The following ZMIZ1 variants were observed in gnomAD, a reference collection of about 807,000 sequenced individuals.
ZMIZ1 encodes the protein zinc finger MIZ-type containing 1, also known as zinc finger MIZ domain-containing protein 1.
Under a neutral mutation model 113.9 loss-of-function variants are expected in ZMIZ1, and 17 were observed. That is an observed-to-expected ratio of 0.15 (90% CI 0.10 to 0.22). ZMIZ1 has a LOEUF of 0.22. Among genes scored for constraint, ZMIZ1 ranks in the 10% least tolerant of loss-of-function variants. The pLI is 1.00. For missense variants in ZMIZ1, 1,059 were observed against 1,477.8 expected, an observed-to-expected ratio of 0.72 and a Z score of 4.65; for synonymous variants, 607 against 603.1, an observed-to-expected ratio of 1.01 and a Z score of -0.09.
At chr10:79,263,200 C>T (rs1851373785) in intron 7 of ZMIZ1, among the ~76,000 whole-genome samples, 1 of 152,240 alleles carries the variant, frequency 6.6e-6, no homozygotes, top group African/African-American at 2.4e-5. Context: ...CCAGAGTGGT[C>T]ACAGCTGGCG....
At chr10:79,185,127 A>G (rs980529148) in intron 4 of ZMIZ1, among the ~76,000 whole-genome samples, 13 of 152,034 alleles carry the variant, frequency 8.6e-5, no homozygotes, top group Admixed American at 7.8e-4. Context: ...GGAGCATCCC[A>G]GGCCAAGCCT....
At chr10:79,217,014 C>T (rs112575441) in intron 7 of ZMIZ1, among the ~76,000 whole-genome samples, 4,218 of 152,318 alleles carry the variant, frequency 0.028, 187 homozygotes, top group African/African-American at 0.096. Context: ...AGCTTTAAGC[C>T]GGACAGACCT....
In ZMIZ1 at chr10:79,070,805, C is replaced by T. The variant is rs143596678; in HGVS notation, c.-337+1535C>T. The stretch of plus-strand genomic sequence containing the variant: ...GTCAGCTTCCTGGGTAGGCAGTGCC[C>T]GAGTAACTGGGGCTTTGAGCCTGCC... On this transcript the variant is annotated intron_variant, in intron 1 of 24. Coordinates refer to ENST00000334512, the MANE Select transcript of ZMIZ1 (RefSeq NM_020338.4). Among the ~76,000 whole-genome samples, 922 of 152,160 alleles carry T rather than the reference C, an allele frequency of 6.1e-3. 15 individuals carry two copies. The highest frequency in any genetic ancestry group is 0.057 in the South Asian group (273 of 4,824).
In ZMIZ1 at chr10:79,117,526, A is replaced by G. The variant is rs113414912; in HGVS notation, c.-336-1389A>G. 8.2e-3 allele frequency among the ~76,000 whole-genome samples: 1,243 copies of G among 152,286 alleles called. 19 individuals carry two copies. Among genetic ancestry groups the G allele is most frequent in the African/African-American group, 0.028 (1,183 of 41,548 alleles). ...GTGGAAACACCAGTTGACCCATTCT[A>G]TGGTTGGTGGCCATCTGGGAAGTTT... On this transcript the variant is annotated intron_variant, in intron 1 of 24. Coordinates refer to ENST00000334512, the MANE Select transcript of ZMIZ1 (RefSeq NM_020338.4).
chr10:79,296,971 C>T lies in ZMIZ1; in HGVS notation c.1413+318C>T. ...ACATCCCCTGTATATATTAACATTTCATTCTAAACTTTGTATGTGCAGGTG... is the reference window on the plus strand; with the variant it reads ...ACATCCCCTGTATATATTAACATTTTATTCTAAACTTTGTATGTGCAGGTG... On this transcript the variant is annotated intron_variant, in intron 13 of 24. Coordinates refer to ENST00000334512, the MANE Select transcript of ZMIZ1 (RefSeq NM_020338.4). This position sits in a 1 kb window ranked among gnomAD's most constrained non-coding sequence, Gnocchi z 4.1. 1 of 250,038 alleles carries T rather than the reference C, an allele frequency of 4.0e-6. No individual in the cohort carries two copies. The highest frequency in any genetic ancestry group is 7.5e-6 in the Non-Finnish European group (1 of 132,868). 15.5% of individuals were successfully genotyped at this position (250,038 alleles called of 1,614,324 possible). A position where few individuals can be genotyped will look rare whatever the true frequency, so the allele number is the denominator to read the frequency against.
At chr10:79,213,330 A>C (rs956297529) in intron 6 of ZMIZ1, among the ~76,000 whole-genome samples, 1 of 152,116 alleles carries the variant, frequency 6.6e-6, no homozygotes, top group East Asian at 1.9e-4. Context: ...GGAATGCATG[A>C]GGCACTCTAG....
intron 4 of ZMIZ1, among the ~76,000 whole-genome samples, chr10:79,178,476 C>CT (rs1846967285): frequency 6.6e-6 from 1 of 152,236 alleles, no homozygotes; most frequent in African/African-American, 2.4e-5. Context: ...CCTCCCTGAC[C>CT]CCTCACCAGT....
chr10:79,117,763 T>A (rs1589292298), intron 1 of ZMIZ1, among the ~76,000 whole-genome samples: 1 of 152,184 alleles, frequency 6.6e-6, no homozygotes, highest in African/African-American at 2.4e-5. Flanking sequence ...AAGACCCAGC[T>A]GAAGATGGGC....
At chr10:79,176,403 G>GGA (rs1387281443) in intron 4 of ZMIZ1, among the ~76,000 whole-genome samples, 1 of 152,024 alleles carries the variant, frequency 6.6e-6, no homozygotes, top group Non-Finnish European at 1.5e-5. Flanking sequence ...TGGCAGGGGA[G>GGA]GAGAGAGGCA....
intron 2 of ZMIZ1, among the ~76,000 whole-genome samples, chr10:79,126,360 CTGGG>C (rs1844511827): frequency 6.6e-6 from 1 of 152,216 alleles, no homozygotes; most frequent in East Asian, 1.9e-4. Context: ...GCTCAACCAT[CTGGG>C]AGGCTGCTGA....
At chr10:79,148,521 C>T (rs1391451105) in intron 3 of ZMIZ1, among the ~76,000 whole-genome samples, 1 of 152,202 alleles carries the variant, frequency 6.6e-6, no homozygotes, top group Non-Finnish European at 1.5e-5. Context: ...GTCCCACAGG[C>T]TCGTGTGCTC....
chr10:79,201,624 A>T lies in ZMIZ1; in HGVS notation c.-9A>T. On this transcript the variant is annotated 5_prime_UTR_variant, in exon 5 of 25. Transcript: ENST00000334512. Reference sequence around the variant, plus strand: ...TGGCTCTCGGGTAGAACCTAGTGAAACGGCCAGAATGAATTCTATGGACAG... The same window carrying T: ...TGGCTCTCGGGTAGAACCTAGTGAATCGGCCAGAATGAATTCTATGGACAG... The T allele has an allele frequency of 1.2e-6, 2 of 1,613,558 alleles. No individual in the cohort carries two copies. Among genetic ancestry groups the T allele is most frequent in the Non-Finnish European group, 1.7e-6 (2 of 1,179,790 alleles).
chr10:79,154,387 C>T (rs1248967915), intron 3 of ZMIZ1, among the ~76,000 whole-genome samples: 5 of 152,090 alleles, frequency 3.3e-5, no homozygotes, highest in African/African-American at 1.2e-4. Context: ...GGGGTGCCCT[C>T]TAGGGCAGCC....
At chr10:79,312,532 G>A (rs1461422960) in intron 24 of ZMIZ1, 110 bp from the exon 25 acceptor site, 4 of 1,159,714 alleles carry the variant, frequency 3.4e-6, no homozygotes, top group South Asian at 1.3e-5. Context: ...TTTGGCTAGG[G>A]TCCTGAGAGG....
At chr10:79,122,572 C>T (rs704002) in intron 2 of ZMIZ1, among the ~76,000 whole-genome samples, 1 of 151,812 alleles carries the variant, frequency 6.6e-6, no homozygotes, top group Non-Finnish European at 1.5e-5. Flanking sequence ...AGATGTCATG[C>T]AGATTTCTTT....
intron 1 of ZMIZ1, among the ~76,000 whole-genome samples, chr10:79,077,407 C>T (rs907936403): frequency 2.0e-5 from 3 of 151,886 alleles, no homozygotes; most frequent in Non-Finnish European, 4.4e-5. Flanking sequence ...CATGGGGAAA[C>T]CCAAAGCCCA....
chr10:79,165,948 CTGTGTGTGTG>C (rs1174980856), intron 4 of ZMIZ1, among the ~76,000 whole-genome samples: 789 of 59,684 alleles, frequency 0.013, 9 homozygotes, highest in African/African-American at 0.024. Context: ...CCCAGCTCAG[CTGTGTGTGTG>C]TGTGTGTGTG....
intron 7 of ZMIZ1, among the ~76,000 whole-genome samples, chr10:79,239,497 T>C (rs1170277857): frequency 1.3e-5 from 2 of 152,134 alleles, no homozygotes; most frequent in Admixed American, 1.3e-4. Flanking sequence ...GGGTGACATC[T>C]CCGAGTCATA....
rs879008153 is a variant in ZMIZ1, at chr10:79,297,825, C to T, written c.1491+135C>T. The T allele has an allele frequency of 8.5e-6, 6 of 709,876 alleles. No individual in the cohort carries two copies. In the Admixed American group the frequency reaches 1.3e-4, roughly 15 times the overall value. 44.0% of individuals were successfully genotyped at this position (709,876 alleles called of 1,614,324 possible). On this transcript the variant is annotated intron_variant, in intron 14 of 24. Coordinates refer to ENST00000334512, the MANE Select transcript of ZMIZ1 (RefSeq NM_020338.4). ...GGGGGTGCACTCCCTGGTCCCCTGT[C>T]CTGGGGACAGAGATGCTCAGGACTG... is the stretch of plus-strand genomic sequence containing the variant.
Sources: allele counts gnomAD v4.1 joint callset (sites outside exome capture counted in the v4.1 genomes callset), GRCh38; gene constraint gnomAD v4.1.1; non-coding constraint Gnocchi (gnomAD v3.1); transcripts MANE v1.5; gene names NCBI Gene and HGNC (gene_info 2026-07-23, HGNC 2026-07-21).